The following COA1 variants were observed in gnomAD, a reference collection of about 807,000 sequenced individuals.
The protein encoded by COA1 is cytochrome c oxidase assembly factor 1, also known as cytochrome c oxidase assembly factor 1 homolog.
Under a neutral mutation model 16.0 loss-of-function variants are expected in COA1, and 13 were observed. That is an observed-to-expected ratio of 0.81 (90% CI 0.53 to 1.29). The LOEUF (loss-of-function observed/expected upper bound fraction) is 1.29, where lower values mean the gene tolerates loss of function less well. Ranked by LOEUF, COA1 falls within the 50% of genes most tolerant of loss-of-function variation. The probability of loss-of-function intolerance (pLI) is 0.00; values close to 1 mark genes in which losing one functional copy is unlikely to be tolerated. For missense variants in COA1, 179 were observed against 177.0 expected (o/e 1.01, Z -0.06); for synonymous variants, 65 against 65.7 (o/e 0.99, Z 0.05).
intron 1 of COA1, among the ~76,000 whole-genome samples, chr7:43,692,541 CAAA>C (rs979149327): frequency 2.9e-4 from 44 of 149,184 alleles, no homozygotes; most frequent in African/African-American, 1.0e-3. Context: ...ACAACAACAA[CAAA>C]AAAAAAACCA....
chr7:43,639,437 G>A lies in COA1; in HGVS notation c.*145C>T. 1.6e-6 allele frequency: 1 copy of A among 632,542 alleles called. No individual in the cohort carries two copies. Among genetic ancestry groups the A allele is most frequent in the Admixed American group, 2.6e-5 (1 of 37,758 alleles). 39.2% of individuals were successfully genotyped at this position (632,542 alleles called of 1,614,324 possible). On this transcript the variant is annotated 3_prime_UTR_variant, in exon 6 of 6. Transcript: ENST00000223336. ...TAGAATTACACCAAAATTACCATGT[G>A]CTGGCACATACCATCATCCCACTGG...
intron 1 of COA1, among the ~76,000 whole-genome samples, chr7:43,658,076 T>TA (rs71563917): frequency 0.15 from 22,106 of 151,968 alleles, 2,174 homozygotes; most frequent in Non-Finnish European, 0.21. Flanking sequence ...TTATTTTTTT[T>TA]AAAAAAGTTA....
intron 1 of COA1, among the ~76,000 whole-genome samples, chr7:43,692,723 GAA>G (rs1007776334): frequency 6.6e-6 from 1 of 151,910 alleles, no homozygotes; most frequent in Non-Finnish European, 1.5e-5. Context: ...TTTACCAACA[GAA>G]AAAAGAGTCA....
chr7:43,707,239 AT>A (rs1303379742), intron 1 of COA1, among the ~76,000 whole-genome samples: 1 of 152,244 alleles, frequency 6.6e-6, no homozygotes, highest in Non-Finnish European at 1.5e-5. Flanking sequence ...AGTCAAATTA[AT>A]AAATACAACA....
At chr7:43,707,963 A>G (rs1300770837) in intron 1 of COA1, among the ~76,000 whole-genome samples, 2 of 152,186 alleles carry the variant, frequency 1.3e-5, no homozygotes, top group African/African-American at 2.4e-5. Context: ...GTGTAAAAAA[A>G]TTTCCTTGGG....
intron 6 of COA1, chr7:43,626,791 TG>T (rs2084595933): frequency 6.6e-6 from 1 of 152,226 alleles, no homozygotes; most frequent in Non-Finnish European, 1.5e-5. Context: ...ATATAATTGC[TG>T]TATTTGTGAG....
At chr7:43,638,145 G>A (rs1197878732), downstream of COA1, among the ~76,000 whole-genome samples, 2 of 151,236 alleles carry the variant, frequency 1.3e-5, no homozygotes, top group African/African-American at 2.4e-5. Flanking sequence ...ACATAAATAT[G>A]TTTTTAAAGA....
rs909428632 is a variant in COA1, at chr7:43,686,958, G to C, written c.-38-38306C>G. 4.6e-5 allele frequency among the ~76,000 whole-genome samples: 7 copies of C among 152,066 alleles called. No individual in the cohort carries two copies. The East Asian group carries it at 1.3e-3, about 29-fold the overall frequency. ...AAAAATGAAGCAGTCCCAGCTTTTA[G>C]AGCCTCTGGCCTCTAAGGATTTCCA... On this transcript the variant is annotated intron_variant, in intron 1 of 5. Coordinates refer to ENST00000223336, the MANE Select transcript of COA1 (RefSeq NM_018224.4).
intron 1 of COA1, among the ~76,000 whole-genome samples, chr7:43,676,621 A>T (rs1407039742): frequency 6.6e-6 from 1 of 152,188 alleles, no homozygotes; most frequent in Admixed American, 6.5e-5. Flanking sequence ...GATTATAGGT[A>T]ACATAATATA....
chr7:43,608,596 G>C (rs939134060), exon 7 of COA1: 1 of 500,944 alleles, frequency 2.0e-6, no homozygotes, highest in Non-Finnish European at 3.4e-6. Flanking sequence ...TACATGGAAA[G>C]ATACAAAATA....
At chr7:43,707,132 G>A (rs775860461) in intron 1 of COA1, among the ~76,000 whole-genome samples, 2 of 152,192 alleles carry the variant, frequency 1.3e-5, no homozygotes, top group African/African-American at 2.4e-5. Context: ...TGAAGTTGCA[G>A]TGAGCCAAGA....
At chr7:43,728,080 T>C (rs2095655084) in intron 1 of COA1, among the ~76,000 whole-genome samples, 1 of 151,094 alleles carries the variant, frequency 6.6e-6, no homozygotes, top group Non-Finnish European at 1.5e-5. Context: ...GTTCACACCA[T>C]CCTCCTGCCT....
At chr7:43,649,653 C>T (rs2090352947) in intron 1 of COA1, 1 of 152,210 alleles carries the variant, frequency 6.6e-6, no homozygotes. Flanking sequence ...ATAATTATAA[C>T]ATAGATCTAT....
intron 3 of COA1, chr7:43,646,328 T>C (rs2089285404): frequency 3.2e-6 from 1 of 312,590 alleles, no homozygotes; most frequent in South Asian, 2.6e-5. Flanking sequence ...GAGTGATTTC[T>C]ATGGCTAGGC....
chr7:43,654,481 G>A (rs1157842263), intron 1 of COA1, among the ~76,000 whole-genome samples: 2 of 152,058 alleles, frequency 1.3e-5, no homozygotes, highest in Non-Finnish European at 2.9e-5. Flanking sequence ...GAAGGAAAGG[G>A]AAGAAACTCA....
chr7:43,710,348 C>CAAAAAAAAA (rs1165121530), intron 1 of COA1, among the ~76,000 whole-genome samples: 1 of 52,446 alleles, frequency 1.9e-5, no homozygotes, highest in Non-Finnish European at 3.5e-5. Context: ...GACTCTGTCT[C>CAAAAAAAAA]AAAAAAAAAA....
At chr7:43,689,091 T>A (rs2094163695) in intron 1 of COA1, among the ~76,000 whole-genome samples, 1 of 152,154 alleles carries the variant, frequency 6.6e-6, no homozygotes, top group African/African-American at 2.4e-5. Flanking sequence ...ACCAACCCAA[T>A]AAGAAGTTAT....
intron 1 of COA1, chr7:43,650,249 C>T (rs1343387375): frequency 6.6e-6 from 1 of 152,180 alleles, no homozygotes; most frequent in East Asian, 1.9e-4. Flanking sequence ...CCAGAGGACA[C>T]CAAAGCCCAG....
At chr7:43,691,459 AAGAAAGAAAGAAAGAAAG>A (rs1270535011) in intron 1 of COA1, among the ~76,000 whole-genome samples, 40 of 148,046 alleles carry the variant, frequency 2.7e-4, no homozygotes, top group African/African-American at 1.0e-3. Flanking sequence ...GAAAGAAAGA[AAGAAAGAAAGAAAGAAAG>A]AAATTATCAT....
Sources: allele counts gnomAD v4.1 joint callset (sites outside exome capture counted in the v4.1 genomes callset), GRCh38; gene constraint gnomAD v4.1.1; transcripts MANE v1.5; gene names NCBI Gene and HGNC (gene_info 2026-07-23, HGNC 2026-07-21).